CSMD1: variants seen among roughly 807,000 people sequenced by gnomAD.
CSMD1 encodes CUB and sushi domain-containing protein 1.
Under a neutral mutation model 417.5 loss-of-function variants are expected in CSMD1, and 213 were observed. That is an observed-to-expected ratio of 0.51 (90% confidence interval 0.46 to 0.57). The LOEUF (loss-of-function observed/expected upper bound fraction) is 0.57. CSMD1 is among the 20% of genes least tolerant of loss of function. CSMD1 has a pLI of 0.00. For missense variants in CSMD1, 6,923 were observed against 4,529.7 expected, an observed-to-expected ratio of 1.53 and a Z score of -15.17; for synonymous variants, 2,862 against 1,736.8, an observed-to-expected ratio of 1.65 and a Z score of -16.11.
chr8:4,782,030 C>G (rs975870719), intron 1 of CSMD1, among the ~76,000 whole-genome samples: 4 of 152,142 alleles, frequency 2.6e-5, no homozygotes, highest in African/African-American at 9.7e-5. Context: ...TTTCTCAGTC[C>G]AAAATTATAG....
At chr8:4,596,162 C>G (rs1009175317) in intron 2 of CSMD1, among the ~76,000 whole-genome samples, 1 of 152,054 alleles carries the variant, frequency 6.6e-6, no homozygotes, top group Non-Finnish European at 1.5e-5. Flanking sequence ...ATACATAAGT[C>G]TGGAATAATA....
chr8:2,951,095 T>C lies in CSMD1; in HGVS notation c.10201+19A>G. The C allele has an allele frequency of 6.2e-7, 1 of 1,606,696 alleles. No homozygotes were observed. Among genetic ancestry groups the C allele is most frequent in the Non-Finnish European group, 8.5e-7 (1 of 1,176,752 alleles). On this transcript the variant is annotated intron_variant, in intron 66 of 69. Coordinates refer to ENST00000635120, the MANE Select transcript of CSMD1 (RefSeq NM_033225.6). Reference sequence around the variant, plus strand: ...ATTTCTGCTCACACCATGCGTTTAGTGAATTCTTCGGGACCTACCTGTCAA... The same window carrying C: ...ATTTCTGCTCACACCATGCGTTTAGCGAATTCTTCGGGACCTACCTGTCAA...
At chr8:3,894,851 A>C (rs1207142285) in intron 5 of CSMD1, among the ~76,000 whole-genome samples, 2 of 152,206 alleles carry the variant, frequency 1.3e-5, no homozygotes, top group South Asian at 4.1e-4. Flanking sequence ...GCTCTATTCT[A>C]AAGGAACATT....
intron 25 of CSMD1, 98 bp from the exon 26 acceptor site, chr8:3,284,444 C>G: frequency 2.4e-6 from 2 of 845,322 alleles, no homozygotes; most frequent in Admixed American, 2.1e-5. Context: ...TTCACACAAC[C>G]CCCACCAACA....
intron 1 of CSMD1, among the ~76,000 whole-genome samples, chr8:4,917,083 G>A (rs1806114073): frequency 1.3e-5 from 2 of 152,186 alleles, no homozygotes; most frequent in Non-Finnish European, 2.9e-5. Flanking sequence ...CTATCTATAG[G>A]AAGCACGGCT....
Position 4,482,255 on chromosome 8 carries a change from A to C in CSMD1, c.303-62190T>G, listed in dbSNP as rs530063228. On this transcript the variant is annotated intron_variant, in intron 2 of 69. Coordinates refer to ENST00000635120, the MANE Select transcript of CSMD1 (RefSeq NM_033225.6). ...GATCCTCTCCCTTCTCCCATCCTCC[A>C]CCCTTATAGCCCCCAGTGTGTGTTG... Among the ~76,000 whole-genome samples, 5 of 151,274 alleles carry C rather than the reference A, an allele frequency of 3.3e-5. No individual in the cohort carries two copies. In the East Asian group the frequency reaches 9.8e-4, roughly 30 times the overall value.
intron 1 of CSMD1, among the ~76,000 whole-genome samples, chr8:4,741,308 T>G (rs1478266): frequency 3.9e-5 from 6 of 152,040 alleles, no homozygotes; most frequent in Non-Finnish European, 5.9e-5. Context: ...TTACTGCATT[T>G]TAAAAACAGG....
intron 3 of CSMD1, among the ~76,000 whole-genome samples, chr8:4,229,672 C>T (rs780784175): frequency 1.3e-5 from 2 of 152,108 alleles, no homozygotes; most frequent in African/African-American, 2.4e-5. Context: ...TAGTGAAGTT[C>T]GTTCTCACCA....
intron 5 of CSMD1, among the ~76,000 whole-genome samples, chr8:3,872,612 C>T (rs974957247): frequency 6.6e-6 from 1 of 152,100 alleles, no homozygotes. Flanking sequence ...CATTTCATGT[C>T]AGTTTCCACA....
At chr8:4,895,927 T>C (rs1804451498) in intron 1 of CSMD1, among the ~76,000 whole-genome samples, 1 of 152,108 alleles carries the variant, frequency 6.6e-6, no homozygotes, top group South Asian at 2.1e-4. Context: ...TTGTTACCAA[T>C]TATTTTTTTG....
intron 3 of CSMD1, among the ~76,000 whole-genome samples, chr8:4,212,808 C>T (rs1450282541): frequency 7.1e-6 from 1 of 140,210 alleles, no homozygotes; most frequent in Non-Finnish European, 1.5e-5. Flanking sequence ...TTGCTTTTAC[C>T]AGCCAGTTCA....
At chr8:3,305,950 G>A (rs536433446) in intron 25 of CSMD1, among the ~76,000 whole-genome samples, 28 of 152,116 alleles carry the variant, frequency 1.8e-4, no homozygotes, top group Non-Finnish European at 3.8e-4. Context: ...AAGGTGCTGG[G>A]ATTACAGGCA....
intron 12 of CSMD1, among the ~76,000 whole-genome samples, chr8:3,442,978 C>T (rs1815087574): frequency 1.3e-5 from 2 of 152,068 alleles, no homozygotes; most frequent in South Asian, 4.1e-4. Context: ...TAATTTAAAT[C>T]ATTAAAATTG....
chr8:3,818,657 G>T (rs1245398174), intron 5 of CSMD1, among the ~76,000 whole-genome samples: 2 of 152,170 alleles, frequency 1.3e-5, no homozygotes, highest in African/African-American at 4.8e-5. Flanking sequence ...GGCATCGTCT[G>T]ATGACAGCAA....
intron 3 of CSMD1, among the ~76,000 whole-genome samples, chr8:4,368,918 G>C (rs963509269): frequency 2.0e-5 from 3 of 152,000 alleles, no homozygotes; most frequent in Middle Eastern, 6.8e-3. Flanking sequence ...TGGTTTTATT[G>C]ATCTCTTATA....
intron 2 of CSMD1, among the ~76,000 whole-genome samples, chr8:4,507,226 G>T (rs1362837880): frequency 6.6e-6 from 1 of 152,084 alleles, no homozygotes; most frequent in African/African-American, 2.4e-5. Context: ...CTAGATAGTA[G>T]ATACCCATGC....
intron 1 of CSMD1, among the ~76,000 whole-genome samples, chr8:4,899,354 C>T (rs1804714859): frequency 6.6e-6 from 1 of 152,006 alleles, no homozygotes; most frequent in Non-Finnish European, 1.5e-5. Context: ...AAAAGTGAGC[C>T]ACTCAAAATA....
intron 1 of CSMD1, among the ~76,000 whole-genome samples, chr8:4,826,348 T>G (rs1038950101): frequency 6.6e-6 from 1 of 152,142 alleles, no homozygotes; most frequent in Non-Finnish European, 1.5e-5. Flanking sequence ...ACATATATAA[T>G]TACAGCTTTT....
chr8:4,335,744 G>T (rs954731281), intron 3 of CSMD1, among the ~76,000 whole-genome samples: 1 of 151,996 alleles, frequency 6.6e-6, no homozygotes, highest in Non-Finnish European at 1.5e-5. Context: ...TAGGGCTCAC[G>T]GCAACAAGAT....
Sources: gnomAD v4.1 joint callset for allele counts (sites outside exome capture counted in the v4.1 genomes callset) on GRCh38, gnomAD v4.1.1 for gene constraint, MANE v1.5 for transcripts, NCBI Gene and HGNC (gene_info 2026-07-23, HGNC 2026-07-21) for gene names.